The following STK39 variants were observed in gnomAD, a reference collection of about 807,000 sequenced individuals.
The protein encoded by STK39 is serine/threonine kinase 39.
A neutral mutation model predicts 77.8 loss-of-function variants in STK39; 20 were observed. That is an observed-to-expected ratio of 0.26 (90% CI 0.18 to 0.37). The LOEUF is 0.37. Ranked by LOEUF, STK39 falls within the 10% of genes least tolerant of loss-of-function variation. The probability of loss-of-function intolerance (pLI) is 1.00; values close to 1 mark genes in which losing one functional copy is unlikely to be tolerated. For missense variants in STK39, 479 were observed against 656.5 expected (o/e 0.73, Z 2.95); for synonymous variants, 246 against 234.1 (o/e 1.05, Z -0.47).
rs1683367125 is a variant in STK39 at position 167,979,715 on chromosome 2, A to T, written c.1499-14989T>A. Among the ~76,000 whole-genome samples the T allele has an allele frequency of 1.3e-5, 2 of 152,216 alleles. 1 individual carries two copies. Among genetic ancestry groups the T allele is most frequent in the South Asian group, 4.1e-4 (2 of 4,830 alleles). ...CCAGCAGCATCATTCTGCATCTTGGAAAGTGTGCTAGAGCTTTTTGTACAG... is the reference window on the plus strand; with the variant it reads ...CCAGCAGCATCATTCTGCATCTTGGTAAGTGTGCTAGAGCTTTTTGTACAG... On this transcript the variant is annotated intron_variant, in intron 16 of 17. Transcript: ENST00000355999.
rs77566832 is a variant in STK39 at position 168,060,904 on chromosome 2, C to T, written c.1376+2596G>A. ...CAGAAGACTCTTCGCCCTCAAACTA[C>T]TGAACACCTTAATCAATGTTTTGGA... On this transcript the variant is annotated intron_variant, in intron 14 of 17. Coordinates refer to ENST00000355999, the MANE Select transcript of STK39 (RefSeq NM_013233.3). Among the ~76,000 whole-genome samples the T allele has an allele frequency of 8.0e-3, 1,206 of 151,540 alleles. 21 individuals are homozygous for T. Among genetic ancestry groups the T allele is most frequent in the African/African-American group, 0.028 (1,158 of 40,844 alleles).
In STK39 at chr2:168,148,274, C is replaced by T. The variant is rs543292274; in HGVS notation, c.629-7516G>A. 3.9e-5 allele frequency among the ~76,000 whole-genome samples: 6 copies of T among 152,274 alleles called. No individual in the cohort carries two copies. The South Asian group carries it at 1.2e-3, about 32-fold the overall frequency. Reference sequence around the variant, plus strand: ...TTTTTGTTTATAGAGGAAATAGGCACAACTTTTTTCCTGGAGCCTGACCAT... The same window carrying T: ...TTTTTGTTTATAGAGGAAATAGGCATAACTTTTTTCCTGGAGCCTGACCAT... On this transcript the variant is annotated intron_variant, in intron 5 of 17. Coordinates refer to ENST00000355999, the MANE Select transcript of STK39 (RefSeq NM_013233.3).
At chr2:168,213,183 A>C (rs961353486) in intron 1 of STK39, among the ~76,000 whole-genome samples, 1 of 152,266 alleles carries the variant, frequency 6.6e-6, no homozygotes, top group Non-Finnish European at 1.5e-5. Flanking sequence ...TGGATTAATC[A>C]TAAGAACATA....
At chr2:168,062,429 T>C (rs941079291) in intron 14 of STK39, among the ~76,000 whole-genome samples, 7 of 152,224 alleles carry the variant, frequency 4.6e-5, no homozygotes, top group Non-Finnish European at 7.3e-5. Context: ...CTGTCAAATA[T>C]AAGGAAAACA....
chr2:168,078,486 G>A (rs1686139496), intron 10 of STK39, among the ~76,000 whole-genome samples: 1 of 152,152 alleles, frequency 6.6e-6, no homozygotes, highest in Admixed American at 6.5e-5. Flanking sequence ...CTAAACAGGA[G>A]CTGTCTGCAA....
At chr2:168,092,578 C>G (rs1032847827) in intron 10 of STK39, among the ~76,000 whole-genome samples, 4 of 152,042 alleles carry the variant, frequency 2.6e-5, no homozygotes, top group Admixed American at 2.6e-4. Flanking sequence ...GATAAAATAC[C>G]GTTTAAAAAA....
intron 5 of STK39, among the ~76,000 whole-genome samples, chr2:168,158,724 A>C (rs1028588118): frequency 6.6e-6 from 1 of 152,208 alleles, no homozygotes; most frequent in Admixed American, 6.5e-5. Flanking sequence ...AGTTTCTCCT[A>C]TGTAAAATGG....
intron 16 of STK39, among the ~76,000 whole-genome samples, chr2:167,969,270 C>T (rs779542478): frequency 2.6e-5 from 4 of 152,158 alleles, no homozygotes; most frequent in Non-Finnish European, 4.4e-5. Context: ...TTACCTCCTC[C>T]GAGCCCTCTT....
At chr2:168,117,639 G>A (rs754002115) in intron 10 of STK39, among the ~76,000 whole-genome samples, 58 of 152,194 alleles carry the variant, frequency 3.8e-4, no homozygotes, top group Non-Finnish European at 6.2e-4. Flanking sequence ...TGCTAGGCTG[G>A]GAGAGATACA....
chr2:168,043,298 C>G (rs11681973), intron 14 of STK39, among the ~76,000 whole-genome samples: 75,647 of 148,738 alleles, frequency 0.51, 19,676 homozygotes, highest in Non-Finnish European at 0.57. Flanking sequence ...CTATTTATTA[C>G]TCATTGATGG....
intron 10 of STK39, among the ~76,000 whole-genome samples, chr2:168,119,129 G>A (rs571537268): frequency 1.8e-4 from 28 of 152,280 alleles, no homozygotes; most frequent in African/African-American, 6.3e-4. Flanking sequence ...GCACATGGTC[G>A]GTTTTAAGCG....
chr2:168,238,824 A>G (rs1690685152), intron 1 of STK39, among the ~76,000 whole-genome samples: 1 of 152,236 alleles, frequency 6.6e-6, no homozygotes, highest in Non-Finnish European at 1.5e-5. Context: ...AACTTGGCCA[A>G]TTGATGGCAG....
intron 10 of STK39, among the ~76,000 whole-genome samples, chr2:168,092,675 G>A (rs1364713813): frequency 6.6e-6 from 1 of 152,170 alleles, no homozygotes; most frequent in East Asian, 1.9e-4. Context: ...CACACTGCAG[G>A]ACCTAAGCTT....
At chr2:168,035,124 G>A (rs1037038799) in intron 14 of STK39, among the ~76,000 whole-genome samples, 2 of 152,126 alleles carry the variant, frequency 1.3e-5, no homozygotes, top group Non-Finnish European at 2.9e-5. Context: ...TATCCAGAAG[G>A]GTTGTTCATG....
intron 1 of STK39, among the ~76,000 whole-genome samples, chr2:168,245,338 G>C (rs1271853217): frequency 6.6e-6 from 1 of 152,088 alleles, no homozygotes; most frequent in Non-Finnish European, 1.5e-5. Context: ...CTTTCCCTAT[G>C]TCTCCTAACA....
intron 10 of STK39, among the ~76,000 whole-genome samples, chr2:168,100,046 T>C (rs1038717527): frequency 2.0e-5 from 3 of 152,156 alleles, no homozygotes; most frequent in Non-Finnish European, 4.4e-5. Flanking sequence ...AATGCCTGGG[T>C]AATTCTTAGC....
At chr2:168,023,351 G>A (rs1054587677) in intron 14 of STK39, among the ~76,000 whole-genome samples, 1 of 150,552 alleles carries the variant, frequency 6.6e-6, no homozygotes, top group Admixed American at 6.7e-5. Flanking sequence ...TGTTCTTTCA[G>A]TTCATCTTCA....
chr2:168,164,214 G>A (rs1237838982), intron 3 of STK39, among the ~76,000 whole-genome samples: 1 of 152,056 alleles, frequency 6.6e-6, no homozygotes, highest in Non-Finnish European at 1.5e-5. Context: ...GGTGCAAAAA[G>A]TCTGAACTGA....
At chr2:168,084,608 G>A (rs1031741808) in intron 10 of STK39, among the ~76,000 whole-genome samples, 5 of 152,150 alleles carry the variant, frequency 3.3e-5, no homozygotes, top group African/African-American at 4.8e-5. Context: ...AGTGGGAAGC[G>A]GAAATGCACC....
Sources: allele counts gnomAD v4.1 joint callset (sites outside exome capture counted in the v4.1 genomes callset), GRCh38; gene constraint gnomAD v4.1.1; transcripts MANE v1.5; gene names NCBI Gene and HGNC (gene_info 2026-07-23, HGNC 2026-07-21).